The following ADAMTSL1 variants were observed in gnomAD, a reference collection of about 807,000 sequenced individuals.
ADAMTSL1 encodes ADAMTS like 1.
ADAMTSL1 carries 126 observed loss-of-function variants against 201.8 expected under a neutral mutation model. That is an observed-to-expected ratio of 0.62 (90% CI 0.54 to 0.72). The LOEUF (loss-of-function observed/expected upper bound fraction) is 0.72. ADAMTSL1 is among the 30% of genes least tolerant of loss of function. The pLI, the probability that ADAMTSL1 is intolerant of heterozygous loss-of-function variation, is 0.00. For missense variants in ADAMTSL1, 2,679 were observed against 2,277.8 expected (o/e 1.18, Z -3.59); for synonymous variants, 1,121 against 903.4 (o/e 1.24, Z -4.32).
intron 2 of ADAMTSL1, among the ~76,000 whole-genome samples, chr9:18,344,882 G>A (rs1241882244): frequency 1.3e-5 from 2 of 152,092 alleles, no homozygotes; most frequent in Non-Finnish European, 2.9e-5. Context: ...GCCCAGCAGG[G>A]GACCTTGGAA....
chr9:18,881,062 A>G (rs574399334), intron 23 of ADAMTSL1, among the ~76,000 whole-genome samples: 1 of 152,328 alleles, frequency 6.6e-6, no homozygotes, highest in South Asian at 2.1e-4. Flanking sequence ...GAAGAGAGGT[A>G]GTAGGGCTTG....
intron 20 of ADAMTSL1, among the ~76,000 whole-genome samples, chr9:18,801,491 T>A (rs993395095): frequency 2.0e-5 from 3 of 152,168 alleles, no homozygotes; most frequent in Non-Finnish European, 4.4e-5. Context: ...CTCAGCCTAG[T>A]ACCCAATAGC....
intron 1 of ADAMTSL1, among the ~76,000 whole-genome samples, chr9:18,491,108 A>G (rs1216257599): frequency 6.6e-6 from 1 of 152,202 alleles, no homozygotes; most frequent in East Asian, 1.9e-4. Context: ...CGTGTGTGAA[A>G]TTGATTTCTG....
chr9:18,175,815 C>T (rs761451908), intron 2 of ADAMTSL1, among the ~76,000 whole-genome samples: 9 of 151,740 alleles, frequency 5.9e-5, no homozygotes, highest in Non-Finnish European at 1.0e-4. Flanking sequence ...CATGCCTCCT[C>T]AGGCTGCCTG....
intron 27 of ADAMTSL1, among the ~76,000 whole-genome samples, chr9:18,906,382 C>G (rs541599156): frequency 6.6e-6 from 1 of 152,156 alleles, no homozygotes; most frequent in Admixed American, 6.5e-5. Context: ...CTCACCACCC[C>G]CACCTAAGAG....
At chr9:18,517,372 C>A (rs1235111308) in intron 2 of ADAMTSL1, among the ~76,000 whole-genome samples, 1 of 151,414 alleles carries the variant, frequency 6.6e-6, no homozygotes, top group East Asian at 1.9e-4. Flanking sequence ...ACTTTGGTAG[C>A]TATTTAATTT....
intron 1 of ADAMTSL1, among the ~76,000 whole-genome samples, chr9:17,946,058 ATGTGTGTGTGTGTGTG>A (rs769591352): frequency 0.27 from 40,056 of 148,008 alleles, 5,690 homozygotes; most frequent in East Asian, 0.48. Context: ...CATGATGTGT[ATGTGTGTGTGTGTGTG>A]TGTGTGTGTG....
At chr9:18,837,307 T>C (rs1825372476) in intron 23 of ADAMTSL1, among the ~76,000 whole-genome samples, 1 of 152,258 alleles carries the variant, frequency 6.6e-6, no homozygotes, top group Non-Finnish European at 1.5e-5. Context: ...AGTTTGTTTT[T>C]ATACATATGG....
At chr9:18,515,737 G>A (rs1304387616) in intron 2 of ADAMTSL1, among the ~76,000 whole-genome samples, 1 of 152,212 alleles carries the variant, frequency 6.6e-6, no homozygotes, top group African/African-American at 2.4e-5. Flanking sequence ...AGATGTAAGA[G>A]TGGGGATTGC....
At chr9:18,805,672 C>T (rs953095455) in intron 20 of ADAMTSL1, among the ~76,000 whole-genome samples, 2 of 152,206 alleles carry the variant, frequency 1.3e-5, no homozygotes, top group Non-Finnish European at 2.9e-5. Context: ...ACAGCCCTTT[C>T]TCCTGCCCCT....
At chr9:17,953,468 T>A (rs1327990321) in intron 1 of ADAMTSL1, among the ~76,000 whole-genome samples, 1 of 152,184 alleles carries the variant, frequency 6.6e-6, no homozygotes, top group Non-Finnish European at 1.5e-5. Flanking sequence ...TCATTTGTGG[T>A]AATTTGTCCT....
intron 23 of ADAMTSL1, among the ~76,000 whole-genome samples, chr9:18,837,601 T>C (rs373171973): frequency 1.2e-4 from 19 of 152,328 alleles, no homozygotes; most frequent in South Asian, 1.0e-3. Context: ...TTCACACACA[T>C]GCCACCAATA....
chr9:18,616,503 T>C (rs143947511), intron 4 of ADAMTSL1, among the ~76,000 whole-genome samples: 107 of 152,356 alleles, frequency 7.0e-4, no homozygotes, highest in Non-Finnish European at 1.2e-3. Flanking sequence ...ACTTTAATTA[T>C]GGTGCTCCCG....
chr9:18,681,706 G>A (rs867411736), intron 11 of ADAMTSL1, 106 bp from the exon 12 acceptor site: 11 of 569,252 alleles, frequency 1.9e-5, no homozygotes, highest in African/African-American at 5.8e-5. Context: ...GTGGGGGGGG[G>A]GGGCGGGGAA....
rs145282844 is a variant in ADAMTSL1, at chr9:17,933,817, C to G, written c.87+26895C>G. On this transcript the variant is annotated intron_variant, in intron 1 of 29. Transcript: ENST00000680146. ...GAGAAATCCACCCTCATGATCCAGT[C>G]GCCTCCCACCAGGCCCCTCTTTGAA... Among the ~76,000 whole-genome samples the G allele has an allele frequency of 9.0e-3, 1,366 of 152,208 alleles. 9 individuals carry two copies. The highest frequency in any genetic ancestry group is 0.019 in the South Asian group (91 of 4,816).
chr9:17,982,149 C>A (rs1483342190), intron 1 of ADAMTSL1, among the ~76,000 whole-genome samples: 1 of 152,180 alleles, frequency 6.6e-6, no homozygotes, highest in African/African-American at 2.4e-5. Context: ...CTCGACATTT[C>A]CCTGAAGCTT....
chr9:18,830,888 G>C (rs111635403), intron 23 of ADAMTSL1, among the ~76,000 whole-genome samples: 1 of 152,148 alleles, frequency 6.6e-6, no homozygotes, highest in East Asian at 1.9e-4. Flanking sequence ...TTCATACTAA[G>C]TCTATGTGAT....
At chr9:18,859,505 G>T (rs1487316126) in intron 23 of ADAMTSL1, among the ~76,000 whole-genome samples, 3 of 152,178 alleles carry the variant, frequency 2.0e-5, no homozygotes, top group South Asian at 2.1e-4. Flanking sequence ...GGGGATTAGG[G>T]TGTGGATTTC....
At chr9:18,253,529 G>A (rs1414493591) in intron 2 of ADAMTSL1, among the ~76,000 whole-genome samples, 3 of 152,056 alleles carry the variant, frequency 2.0e-5, no homozygotes, top group South Asian at 2.1e-4. Context: ...AGGAAGCGTC[G>A]CTGATTACTT....
Sources: gnomAD v4.1 joint callset for allele counts (sites outside exome capture counted in the v4.1 genomes callset) on GRCh38, gnomAD v4.1.1 for gene constraint, MANE v1.5 for transcripts, NCBI Gene and HGNC (gene_info 2026-07-23, HGNC 2026-07-21) for gene names.